TAFA2: variants seen among roughly 807,000 people sequenced by gnomAD.
TAFA2 encodes the protein TAFA chemokine like family member 2.
TAFA2 carries 7 observed loss-of-function variants against 18.8 expected under a neutral mutation model. That is an observed-to-expected ratio of 0.37 (90% CI 0.21 to 0.70). The LOEUF is 0.70. Among genes scored for constraint, TAFA2 ranks in the 30% least tolerant of loss-of-function variants. The pLI, the probability that TAFA2 is intolerant of heterozygous loss-of-function variation, is 0.53. For missense variants in TAFA2, 122 were observed against 158.1 expected, an observed-to-expected ratio of 0.77 and a Z score of 1.23; for synonymous variants, 60 against 54.2, an observed-to-expected ratio of 1.11 and a Z score of -0.47.
chr12:61,940,340 G>T (rs1462011944), intron 1 of TAFA2, among the ~76,000 whole-genome samples: 1 of 152,234 alleles, frequency 6.6e-6, no homozygotes, highest in African/African-American at 2.4e-5. Flanking sequence ...GTGGTAGATG[G>T]TGGTATGGAG....
chr12:61,710,536 T>G (rs1280992612), intron 4 of TAFA2, 119 bp from the exon 5 acceptor site: 1 of 729,456 alleles, frequency 1.4e-6, no homozygotes, highest in Non-Finnish European at 2.3e-6. Flanking sequence ...ATCAAATGCA[T>G]TACTTAATTT....
chr12:62,235,021 G>C, intron 1 of TAFA2: 1 of 639,894 alleles, frequency 1.6e-6, no homozygotes, highest in Admixed American at 1.8e-5. Flanking sequence ...GGCATTGTAG[G>C]GTCCCCAATA....
At chr12:61,947,582 T>C (rs1426872302) in intron 1 of TAFA2, among the ~76,000 whole-genome samples, 1 of 151,952 alleles carries the variant, frequency 6.6e-6, no homozygotes, top group Non-Finnish European at 1.5e-5. Flanking sequence ...AATTAGCATA[T>C]ACACTCTTCA....
At chr12:62,124,389 G>C (rs576846350) in intron 1 of TAFA2, among the ~76,000 whole-genome samples, 8 of 151,734 alleles carry the variant, frequency 5.3e-5, no homozygotes, top group South Asian at 4.2e-4. Context: ...GCCAACCCAA[G>C]AGTAGAGTAT....
chr12:62,144,842 A>G (rs1270661083), intron 1 of TAFA2, among the ~76,000 whole-genome samples: 1 of 152,176 alleles, frequency 6.6e-6, no homozygotes, highest in Non-Finnish European at 1.5e-5. Flanking sequence ...ATCCCATTTC[A>G]TAAGAAATCG....
chr12:62,129,918 T>C (rs1464398162), intron 1 of TAFA2, among the ~76,000 whole-genome samples: 4 of 152,166 alleles, frequency 2.6e-5, no homozygotes, highest in Non-Finnish European at 5.9e-5. Flanking sequence ...TCCAGAATTC[T>C]AAAACATACC....
At chr12:62,043,871 T>C (rs1881835739) in intron 1 of TAFA2, among the ~76,000 whole-genome samples, 1 of 152,162 alleles carries the variant, frequency 6.6e-6, no homozygotes, top group African/African-American at 2.4e-5. Flanking sequence ...TGGCATTAGA[T>C]TGAAGGCTGT....
At chr12:61,919,697 TTA>T (rs1400223680) in intron 1 of TAFA2, among the ~76,000 whole-genome samples, 4 of 151,514 alleles carry the variant, frequency 2.6e-5, no homozygotes, top group Admixed American at 6.6e-5. Context: ...TATTTTATAC[TTA>T]TGTTTTATTT....
intron 1 of TAFA2, among the ~76,000 whole-genome samples, chr12:62,073,053 C>A (rs1283919923): frequency 2.0e-5 from 3 of 152,206 alleles, no homozygotes; most frequent in Non-Finnish European, 4.4e-5. Flanking sequence ...GAGGACAGAG[C>A]AAGAGCTAAA....
intron 1 of TAFA2, among the ~76,000 whole-genome samples, chr12:62,110,184 T>A (rs1283073147): frequency 6.6e-6 from 1 of 152,248 alleles, no homozygotes; most frequent in Non-Finnish European, 1.5e-5. Flanking sequence ...GTTTTTAGCA[T>A]GAAGGGATGT....
chr12:62,216,867 G>A (rs1292082627), intron 1 of TAFA2, among the ~76,000 whole-genome samples: 2 of 152,074 alleles, frequency 1.3e-5, no homozygotes, highest in African/African-American at 2.4e-5. Flanking sequence ...ATATTAATTG[G>A]ACTAGACAAG....
rs560654046 is a variant in TAFA2, at chr12:61,724,069, G to A, written c.385-13652C>T. Among the ~76,000 whole-genome samples the A allele has an allele frequency of 2.0e-5, 3 of 152,194 alleles. No homozygotes were observed. The South Asian group carries it at 6.2e-4, about 32-fold the overall frequency. ...ATTGCCCCAAAATAATATTGTGCAT[G>A]CAATCACTTATGTGCATGCACACAA... On this transcript the variant is annotated intron_variant, in intron 4 of 4. Coordinates refer to ENST00000416284, the MANE Select transcript of TAFA2 (RefSeq NM_178539.5).
intron 1 of TAFA2, among the ~76,000 whole-genome samples, chr12:61,870,952 T>A (rs73129620): frequency 1.8e-3 from 277 of 152,276 alleles, no homozygotes; most frequent in Non-Finnish European, 3.4e-3. Context: ...CATTTGTGAA[T>A]CTGTAGGATT....
intron 2 of TAFA2, among the ~76,000 whole-genome samples, chr12:61,756,299 T>C (rs563072177): frequency 6.6e-6 from 1 of 152,208 alleles, no homozygotes; most frequent in Admixed American, 6.5e-5. Context: ...ACTGTAGATA[T>C]AAATTGGAAT....
chr12:62,168,242 C>G (rs919815552), intron 1 of TAFA2, among the ~76,000 whole-genome samples: 7 of 152,130 alleles, frequency 4.6e-5, no homozygotes, highest in African/African-American at 1.7e-4. Flanking sequence ...TAACCCATCA[C>G]TAATTAATAG....
At chr12:61,831,491 A>G (rs984320261) in intron 2 of TAFA2, among the ~76,000 whole-genome samples, 2 of 152,052 alleles carry the variant, frequency 1.3e-5, no homozygotes, top group Non-Finnish European at 2.9e-5. Context: ...CCCTGAATCC[A>G]CCAATTTTCT....
At chr12:62,123,293 T>C (rs1250356672) in intron 1 of TAFA2, among the ~76,000 whole-genome samples, 1 of 152,126 alleles carries the variant, frequency 6.6e-6, no homozygotes, top group East Asian at 1.9e-4. Context: ...GATTAATCTA[T>C]TGAATAAACA....
intron 1 of TAFA2, among the ~76,000 whole-genome samples, chr12:62,183,406 CA>C (rs1221494833): frequency 3.3e-5 from 5 of 152,120 alleles, no homozygotes; most frequent in African/African-American, 1.2e-4. Context: ...TGTTTTGATA[CA>C]GGGTCTTGCT....
chr12:61,867,634 A>C lies in TAFA2; in HGVS notation c.-1-208T>G, dbSNP rs1397970881. Among the ~76,000 whole-genome samples, 3 of 152,134 alleles carry C rather than the reference A, an allele frequency of 2.0e-5. No homozygotes were observed. The East Asian group carries it at 5.8e-4, about 29-fold the overall frequency. The stretch of plus-strand genomic sequence containing the variant: ...CAAAGTACCTTGATATGATGCAAGA[A>C]ATAAGCAAAGCCCTGCCTCAGTCTT... On this transcript the variant is annotated intron_variant, in intron 1 of 4. Coordinates refer to ENST00000416284, the MANE Select transcript of TAFA2 (RefSeq NM_178539.5).
Sources: allele counts gnomAD v4.1 joint callset (sites outside exome capture counted in the v4.1 genomes callset), GRCh38; gene constraint gnomAD v4.1.1; transcripts MANE v1.5; gene names NCBI Gene and HGNC (gene_info 2026-07-23, HGNC 2026-07-21).